BUB1B: variants seen among roughly 807,000 people sequenced by gnomAD.
The protein encoded by BUB1B is mitotic checkpoint serine/threonine-protein kinase BUB1 beta.
BUB1B carries 86 observed loss-of-function variants against 137.7 expected under a neutral mutation model. That is an observed-to-expected ratio of 0.62 (90% CI 0.52 to 0.75). The LOEUF (loss-of-function observed/expected upper bound fraction) is 0.75. Ranked by LOEUF, BUB1B falls within the 30% of genes least tolerant of loss-of-function variation. BUB1B has a pLI of 0.00. For synonymous variants in BUB1B, 420 were observed against 417.9 expected (o/e 1.00, Z -0.06); for missense variants, 1,130 against 1,236.9 (o/e 0.91, Z 1.30).
At chr15:40,202,548 G>A in intron 13 of BUB1B, 41 bp from the exon 14 acceptor site, 1 of 1,602,744 alleles carries the variant, frequency 6.2e-7, no homozygotes, top group Non-Finnish European at 8.5e-7. Flanking sequence ...AGGGGTTACT[G>A]TTATGAAAAA....
intron 8 of BUB1B, among the ~76,000 whole-genome samples, chr15:40,195,304 G>A (rs1194071767): frequency 6.6e-6 from 1 of 152,122 alleles, no homozygotes; most frequent in Non-Finnish European, 1.5e-5. Flanking sequence ...TGCTTCAAAT[G>A]CCATTTTTTT....
rs369046158 is a variant in BUB1B at position 40,218,425 on chromosome 15, T to A, written c.2851-31T>A. On this transcript the variant is annotated intron_variant, in intron 21 of 22. Coordinates refer to ENST00000287598, the MANE Select transcript of BUB1B (RefSeq NM_001211.6). ...CTGCCATGGTAGAGGCAGAGAATTATTTTAGCTGATGGTGCTTTTTGTGAT... is the reference window on the plus strand; with the variant it reads ...CTGCCATGGTAGAGGCAGAGAATTAATTTAGCTGATGGTGCTTTTTGTGAT... 3.3e-6 allele frequency: 5 copies of A among 1,531,090 alleles called. No homozygotes were observed. In the African/African-American group the frequency reaches 6.8e-5, roughly 21 times the overall value. The allele number at this position is 1,531,090 out of a possible 1,614,324, so 94.8% of individuals were successfully genotyped here.
chr15:40,161,366 G>A, intron 1 of BUB1B, 111 bp downstream of exon 1: 1 of 1,236,326 alleles, frequency 8.1e-7, no homozygotes, highest in Non-Finnish European at 1.1e-6. Flanking sequence ...CGTCAGAACA[G>A]ACCCCACCGG....
At chr15:40,206,973 C>T (rs2037645716) in intron 15 of BUB1B, among the ~76,000 whole-genome samples, 1 of 152,036 alleles carries the variant, frequency 6.6e-6, no homozygotes, top group Admixed American at 6.6e-5. Context: ...TCATGCCTGG[C>T]TTATTTTTAT....
At chr15:40,209,600 G>C in intron 16 of BUB1B, 35 bp from the exon 17 acceptor site, 1 of 1,612,122 alleles carries the variant, frequency 6.2e-7, no homozygotes, top group Non-Finnish European at 8.5e-7. Flanking sequence ...GGGTTTTTTT[G>C]GTGATATATT....
chr15:40,212,860 A>T (rs1483977324), intron 19 of BUB1B, among the ~76,000 whole-genome samples: 1 of 152,168 alleles, frequency 6.6e-6, no homozygotes, highest in East Asian at 1.9e-4. Context: ...AAGCATAAAT[A>T]AAAGTAGAAT....
intron 8 of BUB1B, among the ~76,000 whole-genome samples, chr15:40,194,525 A>G (rs1242568347): frequency 6.6e-6 from 1 of 152,204 alleles, no homozygotes; most frequent in Non-Finnish European, 1.5e-5. Context: ...TTAAGCATGT[A>G]AATGCTTGGA....
At chr15:40,175,034 T>A (rs1243584570) in intron 4 of BUB1B, among the ~76,000 whole-genome samples, 2 of 152,234 alleles carry the variant, frequency 1.3e-5, no homozygotes, top group African/African-American at 4.8e-5. Context: ...TAATGCTGAT[T>A]AGAGTCTGGT....
Position 40,220,956 on chromosome 15 carries a change from A to G in BUB1B, c.*197A>G. On this transcript the variant is annotated 3_prime_UTR_variant, in exon 23 of 23. Transcript: ENST00000287598. Reference sequence around the variant, plus strand: ...ATATACTTACTCATGGCCTTGTCTAACTTTTGTGAAGAACTATTTTATTCT... The same window carrying G: ...ATATACTTACTCATGGCCTTGTCTAGCTTTTGTGAAGAACTATTTTATTCT... 1 of 626,686 alleles carries G rather than the reference A, an allele frequency of 1.6e-6. No homozygotes were observed. The highest frequency in any genetic ancestry group is 2.8e-6 in the Non-Finnish European group (1 of 354,608). The allele number at this position is 626,686 out of a possible 1,614,324, so 38.8% of individuals were successfully genotyped here.
At position 40,202,631 on chromosome 15, in the gene BUB1B, C is replaced by G. The variant is rs1236664633; in HGVS notation, c.1671C>G (p.Pro557=). 3 of 1,614,046 alleles carry G rather than the reference C, an allele frequency of 1.9e-6. No individual in the cohort carries two copies. The highest frequency in any genetic ancestry group is 3.3e-5 in the Admixed American group (2 of 60,008). The change falls in exon 14 of 23, where the codon CCC becomes CCG. Residue 557 remains proline, a synonymous_variant. Transcript: ENST00000287598. ...CACGAGTTTTAGCTCAACGAAGACC[C>G]CTTGCAGTTCTCAAAACCTCAGAAA... ...DPPRVLAQRR[P]LAVLKTSESI...
chr15:40,176,816 T>A (rs971126900), intron 5 of BUB1B, 143 bp downstream of exon 5: 11 of 878,744 alleles, frequency 1.3e-5, no homozygotes, highest in Admixed American at 2.7e-5. Flanking sequence ...AGATATATTT[T>A]AAAAATTTTA....
chr15:40,191,456 G>A (rs1382709930), intron 8 of BUB1B, among the ~76,000 whole-genome samples: 1 of 152,166 alleles, frequency 6.6e-6, no homozygotes, highest in African/African-American at 2.4e-5. Context: ...AAGACCAAAA[G>A]TTATTTAAAA....
chr15:40,185,152 T>C lies in BUB1B; in HGVS notation c.752-13T>C, dbSNP rs201927813. 78 of 1,601,452 alleles carry C rather than the reference T, an allele frequency of 4.9e-5. No homozygotes were observed. In the Admixed American group the frequency reaches 9.8e-4, roughly 20 times the overall value. ...AAACATTTTACATGAGGTTTTAATA[T>C]TTTTGCTCCTAGCTCCAAGCCAGAA... On this transcript the variant is annotated splice_polypyrimidine_tract_variant and intron_variant, in intron 6 of 22. Coordinates refer to ENST00000287598, the MANE Select transcript of BUB1B (RefSeq NM_001211.6).
intron 1 of BUB1B, among the ~76,000 whole-genome samples, chr15:40,162,135 C>G (rs2037049453): frequency 6.6e-6 from 1 of 152,158 alleles, no homozygotes; most frequent in Non-Finnish European, 1.5e-5. Flanking sequence ...ACACTGGAGT[C>G]TCACTGAGGA....
intron 8 of BUB1B, among the ~76,000 whole-genome samples, chr15:40,187,642 C>T (rs1390111246): frequency 6.6e-6 from 1 of 152,102 alleles, no homozygotes; most frequent in African/African-American, 2.4e-5. Context: ...GGCATCGTGG[C>T]TCATGCCTGT....
chr15:40,219,060 C>T (rs367864261), intron 22 of BUB1B, among the ~76,000 whole-genome samples: 5 of 152,132 alleles, frequency 3.3e-5, no homozygotes, highest in Middle Eastern at 3.4e-3. Context: ...TACAGGCGTG[C>T]GCCACCATGC....
Position 40,202,530 on chromosome 15 carries a change from G to GATAATTATAATATTATAAT in BUB1B, c.1629-55_1629-54insTTATAATATTATAATATAA, listed in dbSNP as rs2037585704. 6.9e-6 allele frequency: 11 copies of GATAATTATAATATTATAAT among 1,594,872 alleles called. 1 individual carries two copies. The South Asian group carries it at 1.1e-4, about 16-fold the overall frequency. ...AGAATTTTCTGTTATTATAAGTGAGGATAAATTAGGGGTTACTGTTATGAA... is the reference window on the plus strand; with the variant it reads ...AGAATTTTCTGTTATTATAAGTGAGGATAATTATAATATTATAATATAAATTAGGGGTTACTGTTATGAA... On this transcript the variant is annotated intron_variant, in intron 13 of 22. Coordinates refer to ENST00000287598, the MANE Select transcript of BUB1B (RefSeq NM_001211.6).
In BUB1B at chr15:40,200,295, G is replaced by A. The variant is rs770704003; in HGVS notation, c.1453G>A (p.Glu485Lys). Reference sequence around the variant, plus strand: ...GACAACTAAACTGCAAATTGCTTCCGAGTCTCAGAAAATACCAGGAATGAC... The same window carrying A: ...GACAACTAAACTGCAAATTGCTTCCAAGTCTCAGAAAATACCAGGAATGAC... ...KETTKLQIAS[E>K]SQKIPGMTLS... Residue 485 changes from glutamate to lysine, a missense_variant, in exon 11 of 23, where the codon GAG becomes AAG. Coordinates refer to ENST00000287598, the MANE Select transcript of BUB1B (RefSeq NM_001211.6). 11 of 1,613,784 alleles carry A rather than the reference G, an allele frequency of 6.8e-6. No homozygotes were observed. Among genetic ancestry groups the A allele is most frequent in the Middle Eastern group, 1.6e-4 (1 of 6,082 alleles).
chr15:40,206,536 C>T (rs1390509282), intron 15 of BUB1B, 78 bp downstream of exon 15: 15 of 1,579,452 alleles, frequency 9.5e-6, no homozygotes, highest in African/African-American at 1.3e-5. Flanking sequence ...TTACAGTAAT[C>T]AGTTATCAAG....
Sources: gnomAD v4.1 joint callset for allele counts (sites outside exome capture counted in the v4.1 genomes callset) on GRCh38, gnomAD v4.1.1 for gene constraint, MANE v1.5 for transcripts, NCBI Gene and HGNC (gene_info 2026-07-23, HGNC 2026-07-21) for gene names.